The following LARP7 variants were observed in gnomAD, a reference collection of about 807,000 sequenced individuals.
LARP7 encodes La ribonucleoprotein 7, transcriptional regulator, also known as la-related protein 7.
A neutral mutation model predicts 69.3 loss-of-function variants in LARP7; 52 were observed. The observed-to-expected ratio is 0.75, with a 90% CI of 0.60 to 0.95. The LOEUF (loss-of-function observed/expected upper bound fraction) is 0.95, where lower values mean the gene tolerates loss of function less well. LARP7 is among the 40% of genes least tolerant of loss of function. The pLI, the probability that LARP7 is intolerant of heterozygous loss-of-function variation, is 0.00. For missense variants in LARP7, 733 were observed against 673.0 expected, an observed-to-expected ratio of 1.09 and a Z score of -0.99; for synonymous variants, 254 against 215.9, an observed-to-expected ratio of 1.18 and a Z score of -1.55.
chr4:112,644,875 A>T lies in LARP7; in HGVS notation c.202+4A>T. Reference sequence around the variant, plus strand: ...ATAGAAAAATCTAGAGATGGATGTAAGTTTGCTTCAGTAAAGGAACCAATT... The same window carrying T: ...ATAGAAAAATCTAGAGATGGATGTATGTTTGCTTCAGTAAAGGAACCAATT... On this transcript the variant is annotated splice_donor_region_variant and intron_variant, in intron 2 of 12. Coordinates refer to ENST00000344442, the MANE Select transcript of LARP7 (RefSeq NM_016648.4). 1 of 1,528,916 alleles carries T rather than the reference A, an allele frequency of 6.5e-7. No individual in the cohort carries two copies. The highest frequency in any genetic ancestry group is 8.8e-7 in the Non-Finnish European group (1 of 1,131,620). 94.7% of individuals were successfully genotyped at this position (1,528,916 alleles called of 1,614,324 possible). A position where few individuals can be genotyped will look rare whatever the true frequency, so the allele number is the denominator to read the frequency against.
In LARP7 at chr4:112,653,077, G is replaced by A. The variant is rs2048816750; in HGVS notation, c.1417G>A (p.Asp473Asn). ...GTCTTTCTACTTAACTCTAATGCAG[G>A]ATACTTTGGCAGCAATCTCAGAAGT... ...EPLPGRKQVR[D>N]TLAAISEVLY... The change falls in exon 11 of 13, where the codon GAT (aspartate) becomes AAT (asparagine). Residue 473 changes from aspartate (D) to asparagine (N), a missense_variant and splice_region_variant. Coordinates refer to ENST00000344442, the MANE Select transcript of LARP7 (RefSeq NM_016648.4). The A allele has an allele frequency of 6.3e-7, 1 of 1,582,108 alleles. No homozygotes were observed. The highest frequency in any genetic ancestry group is 1.4e-5 in the African/African-American group (1 of 72,802).
Position 112,653,237 on chromosome 4 carries a change from G to A in LARP7, c.1576+1G>A. The A allele has an allele frequency of 6.4e-7, 1 of 1,571,662 alleles. No homozygotes were observed. On this transcript the variant is annotated splice_donor_variant, in intron 11 of 12. Transcript: ENST00000344442. LOFTEE classifies it high-confidence loss of function. ...TGCTGGAAACTCGAGATCCTTTCTGGTAAAACTTCATAGACGTTTCCTTTT... is the reference window on the plus strand; with the variant it reads ...TGCTGGAAACTCGAGATCCTTTCTGATAAAACTTCATAGACGTTTCCTTTT...
At position 112,647,558 on chromosome 4, in the gene LARP7, ACAAG is replaced by A; in HGVS notation, c.997+10_997+13del. On this transcript the variant is annotated intron_variant, in intron 7 of 12. Coordinates refer to ENST00000344442, the MANE Select transcript of LARP7 (RefSeq NM_016648.4). ...TTCCAAGGAAAATAGAGGTAAAACTACAAGGTTTTAATTAGATAAAACTAATTAA... is the reference window on the plus strand; with the variant it reads ...TTCCAAGGAAAATAGAGGTAAAACTAGTTTTAATTAGATAAAACTAATTAA... The A allele has an allele frequency of 6.4e-7, 1 of 1,570,460 alleles. No individual in the cohort carries two copies. Among genetic ancestry groups the A allele is most frequent in the Non-Finnish European group, 8.6e-7 (1 of 1,158,658 alleles).
At chr4:112,655,272 A>G (rs989672000) in intron 12 of LARP7, 1 of 152,218 alleles carries the variant, frequency 6.6e-6, no homozygotes, top group Non-Finnish European at 1.5e-5. Flanking sequence ...TTGTTAAATA[A>G]TACCCTTCTA....
At chr4:112,657,170 T>TTGTGTGTGTGTGTG (rs35719274) in intron 12 of LARP7, 77 bp from the exon 13 acceptor site, 6,055 of 516,644 alleles carry the variant, frequency 0.012, 322 homozygotes, top group African/African-American at 0.12. Flanking sequence ...AGTCATAGTT[T>TTGTGTGTGTGTGTG]TGTGTGTGTG....
intron 10 of LARP7, among the ~76,000 whole-genome samples, chr4:112,652,715 T>A (rs199941452): frequency 2.2e-4 from 33 of 149,616 alleles, no homozygotes; most frequent in East Asian, 5.9e-4. Context: ...TTTTTTTTTT[T>A]AATTTTATTC....
chr4:112,647,400 A>T lies in LARP7; in HGVS notation c.848A>T (p.Glu283Val), dbSNP rs1378570241. Residue 283 changes from glutamate (E) to valine (V), a missense_variant, in exon 7 of 13, where the codon GAA (glutamate) becomes GTA (valine). Glu to Val is a moderately radical substitution (Grantham distance 121). Transcript: ENST00000344442. ...AAAAAGAAAAAACGGGACAGAGTTG[A>T]AGCATCTAGCTTACCTGAAGTCAGA... Reference protein sequence around the residue: ...SKKKKKRDRVEASSLPEVRTG... With the variant: ...SKKKKKRDRVVASSLPEVRTG... The T allele has an allele frequency of 6.2e-6, 10 of 1,614,010 alleles. No homozygotes were observed. Among genetic ancestry groups the T allele is most frequent in the Non-Finnish European group, 8.5e-6 (10 of 1,180,026 alleles).
intron 8 of LARP7, 186 bp downstream of exon 8, chr4:112,648,020 A>T: frequency 1.5e-6 from 1 of 686,576 alleles, no homozygotes; most frequent in Non-Finnish European, 2.8e-6. Context: ...TCAAACATGG[A>T]AGCACTTATT....
intron 7 of LARP7, 59 bp downstream of exon 7, chr4:112,647,608 A>ATTAATTAGTTT (rs758068797): frequency 5.4e-6 from 8 of 1,468,182 alleles, no homozygotes; most frequent in Non-Finnish European, 7.2e-6. Context: ...TTAGTTTTTA[A>ATTAATTAGTTT]TTAATTAGGT....
At position 112,654,063 on chromosome 4, in the gene LARP7, T is replaced by G; in HGVS notation, c.1577-5T>G. The G allele has an allele frequency of 6.2e-7, 1 of 1,609,042 alleles. No homozygotes were observed. The highest frequency in any genetic ancestry group is 8.5e-7 in the Non-Finnish European group (1 of 1,175,428). On this transcript the variant is annotated splice_polypyrimidine_tract_variant and splice_region_variant and intron_variant, in intron 11 of 12. Coordinates refer to ENST00000344442, the MANE Select transcript of LARP7 (RefSeq NM_016648.4). ...CATCCATCAGAGTCTTTGTTTGTTT[T>G]TAAGGTGATCACGAACAAAGGTATT...
chr4:112,650,717 T>C, intron 10 of LARP7, 135 bp downstream of exon 10: 1 of 899,536 alleles, frequency 1.1e-6, no homozygotes, highest in East Asian at 2.8e-5. Context: ...CTGTACAGTT[T>C]TAATTCCATG....
chr4:112,647,580 C>CTAATTAATTTTAATTAATTAGTTTT (rs2048366588), intron 7 of LARP7, 31 bp downstream of exon 7: 1 of 1,318,932 alleles, frequency 7.6e-7, no homozygotes, highest in East Asian at 2.5e-5. Context: ...TTAGATAAAA[C>CTAATTAATTTTAATTAATTAGTTTT]TAATTAATTT....
chr4:112,648,377 T>C (rs372333642), intron 8 of LARP7: 6 of 534,436 alleles, frequency 1.1e-5, no homozygotes, highest in African/African-American at 7.7e-5. Flanking sequence ...CACTGAAACA[T>C]GGAAGCACTT....
At position 112,647,565 on chromosome 4, in the gene LARP7, TTTAA is replaced by T; in HGVS notation, c.997+20_997+23del. On this transcript the variant is annotated intron_variant, in intron 7 of 12. Transcript: ENST00000344442. The stretch of plus-strand genomic sequence containing the variant: ...GAAAATAGAGGTAAAACTACAAGGT[TTTAA>T]TTAGATAAAACTAATTAATTTTAAT... 7.4e-6 allele frequency: 11 copies of T among 1,485,258 alleles called. No individual in the cohort carries two copies. The highest frequency in any genetic ancestry group is 1.0e-5 in the Non-Finnish European group (11 of 1,095,026). 92.0% of individuals were successfully genotyped at this position (1,485,258 alleles called of 1,614,324 possible). A position where few individuals can be genotyped will look rare whatever the true frequency, so the allele number is the denominator to read the frequency against.
In LARP7 at chr4:112,650,538, A is replaced by C; in HGVS notation, c.1372A>C (p.Lys458Gln). The C allele has an allele frequency of 6.2e-7, 1 of 1,613,858 alleles. No individual in the cohort carries two copies. The highest frequency in any genetic ancestry group is 2.2e-5 in the East Asian group (1 of 44,864). ...GPQFVSGVIV[K>Q]IISTEPLPGR... ...ACAGTTCGTGAGTGGAGTGATTGTGAAGATCATTAGCACAGAGCCTCTACC... is the reference window on the plus strand; with the variant it reads ...ACAGTTCGTGAGTGGAGTGATTGTGCAGATCATTAGCACAGAGCCTCTACC... Residue 458 changes from lysine to glutamine, a missense_variant, in exon 10 of 13, where the codon AAG becomes CAG. Transcript: ENST00000344442.
Position 112,647,477 on chromosome 4 carries a change from C to T in LARP7, c.925C>T (p.Arg309Ter), listed in dbSNP as rs866288154. The T allele has an allele frequency of 2.5e-6, 4 of 1,613,332 alleles. No individual in the cohort carries two copies. The highest frequency in any genetic ancestry group is 2.5e-6 in the Non-Finnish European group (3 of 1,179,718). Residue 309 changes from arginine (R) to a stop codon, truncating the protein, a stop_gained, in exon 7 of 13, where the codon CGA becomes TGA. Coordinates refer to ENST00000344442, the MANE Select transcript of LARP7 (RefSeq NM_016648.4). LOFTEE classifies it high-confidence loss of function. ...SSEDAESLAP[R>*]SKVKKIIQKD... ...TGAAGATGCAGAATCCCTAGCTCCCCGATCAAAAGTAAAGAAAATTATTCA... is the reference window on the plus strand; with the variant it reads ...TGAAGATGCAGAATCCCTAGCTCCCTGATCAAAAGTAAAGAAAATTATTCA...
At chr4:112,645,450 C>G (rs1048266119) in intron 2 of LARP7, 3 of 453,332 alleles carry the variant, frequency 6.6e-6, no homozygotes, top group African/African-American at 4.0e-5. Flanking sequence ...ATGTGTAACT[C>G]GAGAGTGCTA....
At chr4:112,657,035 G>A (rs1216664012) in intron 12 of LARP7, among the ~76,000 whole-genome samples, 2 of 152,064 alleles carry the variant, frequency 1.3e-5, no homozygotes, top group African/African-American at 4.8e-5. Context: ...ATAGGAAATA[G>A]TAAATAGCCT....
rs755081512 is a variant in LARP7, at chr4:112,647,852, A to G, written c.1142+18A>G. On this transcript the variant is annotated intron_variant, in intron 8 of 12. Transcript: ENST00000344442. ...CTATCAAAGTAAGTCTGTGGTTTAA[A>G]TTCTGTCATTGGCTTAACAATCCAT... The G allele has an allele frequency of 6.5e-7, 1 of 1,530,778 alleles. No homozygotes were observed. The highest frequency in any genetic ancestry group is 1.5e-5 in the African/African-American group (1 of 68,848). The allele number at this position is 1,530,778 out of a possible 1,614,324, so 94.8% of individuals were successfully genotyped here. A position where few individuals can be genotyped will look rare whatever the true frequency, so the allele number is the denominator to read the frequency against.
Sources: gnomAD v4.1 joint callset for allele counts (sites outside exome capture counted in the v4.1 genomes callset) on GRCh38, gnomAD v4.1.1 for gene constraint, MANE v1.5 for transcripts, NCBI Gene and HGNC (gene_info 2026-07-23, HGNC 2026-07-21) for gene names.